The following IGIP variants were observed in gnomAD, a reference collection of about 807,000 sequenced individuals.
IGIP encodes the protein IgA inducing protein, also known as IgA-inducing protein homolog.
A neutral mutation model predicts 3.2 loss-of-function variants in IGIP; 1 was observed. That is an observed-to-expected ratio of 0.32 (90% CI 0.11 to 1.50). The LOEUF is 1.50. Ranked by LOEUF, IGIP falls within the 40% of genes most tolerant of loss-of-function variation. IGIP has a pLI of 0.39. For synonymous variants in IGIP, 20 were observed against 22.7 expected, an observed-to-expected ratio of 0.88 and a Z score of 0.34; for missense variants, 64 against 69.0, an observed-to-expected ratio of 0.93 and a Z score of 0.26.
rs1421189107 is a variant in IGIP, at chr5:140,128,805, CTG to C, written c.*169_*170del. On this transcript the variant is annotated 3_prime_UTR_variant, in exon 1 of 1. Transcript: ENST00000333305. ...ATAAAGATGTTTATTTTTCATGTGA[CTG>C]TATAATCAGATCAGTCTTTTGTTTC... The C allele has an allele frequency of 6.9e-6, 4 of 582,524 alleles. No homozygotes were observed. The highest frequency in any genetic ancestry group is 6.9e-5 in the East Asian group (2 of 29,010). The allele number at this position is 582,524 out of a possible 1,614,324, so 36.1% of individuals were successfully genotyped here.
Position 140,128,394 on chromosome 5 carries a change from C to A in IGIP, c.-83C>A. 3.0e-6 allele frequency: 3 copies of A among 999,514 alleles called. No homozygotes were observed. The highest frequency in any genetic ancestry group is 3.4e-5 in the South Asian group (2 of 59,104). The allele number at this position is 999,514 out of a possible 1,614,324, so 61.9% of individuals were successfully genotyped here. On this transcript the variant is annotated 5_prime_UTR_variant, in exon 1 of 1. Transcript: ENST00000333305. The stretch of plus-strand genomic sequence containing the variant: ...TCATTAATTTGCACTGTTTGGGGAC[C>A]CCATTTAAGAATGCTGAATTTTGCC...
Position 140,127,871 on chromosome 5 carries a change from C to T in IGIP, c.-606C>T, listed in dbSNP as rs1033090998. ...AAGTTATATTCTGATGTAAGATTAA[C>T]TTTATTAAAGAATGTAAACATTAAT... On this transcript the variant is annotated 5_prime_UTR_variant, in exon 1 of 1. Coordinates refer to ENST00000333305, the MANE Select transcript of IGIP (RefSeq NM_001007189.2). 6.0e-6 allele frequency: 1 copy of T among 166,916 alleles called. No individual in the cohort carries two copies. The highest frequency in any genetic ancestry group is 1.5e-5 in the Non-Finnish European group (1 of 68,096). 10.3% of individuals were successfully genotyped at this position (166,916 alleles called of 1,614,324 possible).
At position 140,128,863 on chromosome 5, in the gene IGIP, G is replaced by A; in HGVS notation, c.*225G>A. 4.3e-6 allele frequency: 2 copies of A among 467,482 alleles called. No individual in the cohort carries two copies. Among genetic ancestry groups the A allele is most frequent in the East Asian group, 4.2e-5 (1 of 23,850 alleles). 29.0% of individuals were successfully genotyped at this position (467,482 alleles called of 1,614,324 possible). On this transcript the variant is annotated 3_prime_UTR_variant, in exon 1 of 1. Transcript: ENST00000333305. The stretch of plus-strand genomic sequence containing the variant: ...TTTTTGGGGGAAGGGGTCTGGTTGC[G>A]ATCTTGGATTTTTTTTTTTTTTGAT...
chr5:140,128,520 G>T lies in IGIP; in HGVS notation c.44G>T (p.Cys15Phe), dbSNP rs1247390360. 6.2e-7 allele frequency: 1 copy of T among 1,608,740 alleles called. No homozygotes were observed. The highest frequency in any genetic ancestry group is 1.3e-5 in the African/African-American group (1 of 74,654). The change falls in exon 1 of 1, where the codon TGT becomes TTT. Residue 15 changes from cysteine (C) to phenylalanine (F), a missense_variant. Coordinates refer to ENST00000333305, the MANE Select transcript of IGIP (RefSeq NM_001007189.2). ...ATGAAGAAACGCAGTGTGTCGGGCT[G>T]TAATATTACCATATTTGCTGTCATG... Reference protein sequence around the residue: ...YHMKKRSVSGCNITIFAVMFS... With the variant: ...YHMKKRSVSGFNITIFAVMFS...
In IGIP at chr5:140,129,214, A is replaced by G. The variant is rs1383702235; in HGVS notation, c.*576A>G. 6.6e-6 allele frequency: 1 copy of G among 152,338 alleles called. No individual in the cohort carries two copies. The highest frequency in any genetic ancestry group is 1.5e-5 in the Non-Finnish European group (1 of 68,152). The allele number at this position is 152,338 out of a possible 1,614,324, so 9.4% of individuals were successfully genotyped here. On this transcript the variant is annotated 3_prime_UTR_variant, in exon 1 of 1. Coordinates refer to ENST00000333305, the MANE Select transcript of IGIP (RefSeq NM_001007189.2). ...AAAAATGTAATTATCATGGATACAT[A>G]CTAGTTATACATACTTATGGGGTAC...
Position 140,128,850 on chromosome 5 carries a change from G to T in IGIP, c.*212G>T. ...TTTGTTTCAGTGCTTTTTGGGGGAA[G>T]GGGTCTGGTTGCGATCTTGGATTTT... On this transcript the variant is annotated 3_prime_UTR_variant, in exon 1 of 1. Transcript: ENST00000333305. 1 of 505,926 alleles carries T rather than the reference G, an allele frequency of 2.0e-6. No individual in the cohort carries two copies. The highest frequency in any genetic ancestry group is 3.5e-6 in the Non-Finnish European group (1 of 289,252). 31.3% of individuals were successfully genotyped at this position (505,926 alleles called of 1,614,324 possible).
chr5:140,128,461 G>A lies in IGIP; in HGVS notation c.-16G>A. On this transcript the variant is annotated 5_prime_UTR_variant, in exon 1 of 1. Transcript: ENST00000333305. ...AATGCAATTTAAAAAGTAAATTTGA[G>A]CATTCTGTATTAAATATGTGCAGTT... is the stretch of plus-strand genomic sequence containing the variant. 2 of 1,537,260 alleles carry A rather than the reference G, an allele frequency of 1.3e-6. No individual in the cohort carries two copies. The highest frequency in any genetic ancestry group is 1.7e-6 in the Non-Finnish European group (2 of 1,146,062).
chr5:140,128,703 C>T lies in IGIP; in HGVS notation c.*65C>T. 1.5e-6 allele frequency: 2 copies of T among 1,311,032 alleles called. No homozygotes were observed. Among genetic ancestry groups the T allele is most frequent in the Admixed American group, 2.1e-5 (1 of 46,580 alleles). 81.2% of individuals were successfully genotyped at this position (1,311,032 alleles called of 1,614,324 possible). A position where few individuals can be genotyped will look rare whatever the true frequency, so the allele number is the denominator to read the frequency against. On this transcript the variant is annotated 3_prime_UTR_variant, in exon 1 of 1. Transcript: ENST00000333305. ...TGATTATTTTAGGCATTGATTCTTA[C>T]AAAATATATACTGTAACAGTATACT...
chr5:140,128,661 T>C lies in IGIP; in HGVS notation c.*23T>C. ...TGAAAACTAGCGAGGTCTGCTGTACTGCTTATTGAAGTATTGTGATTATTT... is the reference window on the plus strand; with the variant it reads ...TGAAAACTAGCGAGGTCTGCTGTACCGCTTATTGAAGTATTGTGATTATTT... On this transcript the variant is annotated 3_prime_UTR_variant, in exon 1 of 1. Transcript: ENST00000333305. 1 of 1,585,572 alleles carries C rather than the reference T, an allele frequency of 6.3e-7. No individual in the cohort carries two copies. Among genetic ancestry groups the C allele is most frequent in the Non-Finnish European group, 8.6e-7 (1 of 1,165,914 alleles).
At position 140,128,603 on chromosome 5, in the gene IGIP, ATCAGCCGGCTTGAGTTTG is replaced by A; in HGVS notation, c.129_146del (p.Ser44_Val49del). On this transcript the variant is annotated inframe_deletion, in exon 1 of 1. Coordinates refer to ENST00000333305, the MANE Select transcript of IGIP (RefSeq NM_001007189.2). ...TGGAAACCAAGCAAACGTGTTGTGC[ATCAGCCGGCTTGAGTTTG>A]TTCAATATCAAAGCTGAAAACTAGC... is the stretch of plus-strand genomic sequence containing the variant. 6.2e-7 allele frequency: 1 copy of A among 1,612,988 alleles called. No individual in the cohort carries two copies. The highest frequency in any genetic ancestry group is 8.5e-7 in the Non-Finnish European group (1 of 1,179,766).
Position 140,127,664 on chromosome 5 carries a change from T to C in IGIP, c.-813T>C, listed in dbSNP as rs1298948211. On this transcript the variant is annotated 5_prime_UTR_variant, in exon 1 of 1. Transcript: ENST00000333305. ...ACACAATCCCAAACTGGAAGAAATT[T>C]TAAAAAAAGGAATCCTGCTGTGAAA... 1 of 166,944 alleles carries C rather than the reference T, an allele frequency of 6.0e-6. No individual in the cohort carries two copies. The highest frequency in any genetic ancestry group is 2.4e-5 in the African/African-American group (1 of 41,454). 10.3% of individuals were successfully genotyped at this position (166,944 alleles called of 1,614,324 possible).
In IGIP at chr5:140,128,393, C is replaced by A; in HGVS notation, c.-84C>A. The A allele has an allele frequency of 3.1e-6, 3 of 981,448 alleles. No individual in the cohort carries two copies. Among genetic ancestry groups the A allele is most frequent in the African/African-American group, 3.3e-5 (2 of 60,034 alleles). 60.8% of individuals were successfully genotyped at this position (981,448 alleles called of 1,614,324 possible). A position where few individuals can be genotyped will look rare whatever the true frequency, so the allele number is the denominator to read the frequency against. On this transcript the variant is annotated 5_prime_UTR_variant, in exon 1 of 1. Transcript: ENST00000333305. ...ATCATTAATTTGCACTGTTTGGGGA[C>A]CCCATTTAAGAATGCTGAATTTTGC... is the stretch of plus-strand genomic sequence containing the variant.
Position 140,129,216 on chromosome 5 carries a change from T to G in IGIP, c.*578T>G, listed in dbSNP as rs961403379. On this transcript the variant is annotated 3_prime_UTR_variant, in exon 1 of 1. Coordinates refer to ENST00000333305, the MANE Select transcript of IGIP (RefSeq NM_001007189.2). Reference sequence around the variant, plus strand: ...AAATGTAATTATCATGGATACATACTAGTTATACATACTTATGGGGTACAT... The same window carrying G: ...AAATGTAATTATCATGGATACATACGAGTTATACATACTTATGGGGTACAT... 1 of 152,314 alleles carries G rather than the reference T, an allele frequency of 6.6e-6. No individual in the cohort carries two copies. Among genetic ancestry groups the G allele is most frequent in the African/African-American group, 2.4e-5 (1 of 41,444 alleles). 9.4% of individuals were successfully genotyped at this position (152,314 alleles called of 1,614,324 possible).
chr5:140,129,220 TATAC>T lies in IGIP; in HGVS notation c.*587_*590del, dbSNP rs1360653614. 6.6e-6 allele frequency: 1 copy of T among 152,302 alleles called. No individual in the cohort carries two copies. Among genetic ancestry groups the T allele is most frequent in the Non-Finnish European group, 1.5e-5 (1 of 68,126 alleles). The allele number at this position is 152,302 out of a possible 1,614,324, so 9.4% of individuals were successfully genotyped here. A position where few individuals can be genotyped will look rare whatever the true frequency, so the allele number is the denominator to read the frequency against. ...GTAATTATCATGGATACATACTAGT[TATAC>T]ATACTTATGGGGTACATGTAACATT... On this transcript the variant is annotated 3_prime_UTR_variant, in exon 1 of 1. Transcript: ENST00000333305.
At position 140,127,060 on chromosome 5, in the gene IGIP, T is replaced by G. The variant is rs1763221846; in HGVS notation, c.-1417T>G. The stretch of plus-strand genomic sequence containing the variant: ...AAATTCCAGTTTAGGGATGTGGGTC[T>G]TCTTCTTGTCATTCTAATTGGAAAT... On this transcript the variant is annotated 5_prime_UTR_variant, in exon 1 of 1. Coordinates refer to ENST00000333305, the MANE Select transcript of IGIP (RefSeq NM_001007189.2). 1.8e-5 allele frequency: 3 copies of G among 167,054 alleles called. No homozygotes were observed. The highest frequency in any genetic ancestry group is 4.4e-5 in the Non-Finnish European group (3 of 68,128). 10.3% of individuals were successfully genotyped at this position (167,054 alleles called of 1,614,324 possible). A position where few individuals can be genotyped will look rare whatever the true frequency, so the allele number is the denominator to read the frequency against.
rs1452826352 is a variant in IGIP, at chr5:140,127,009, G to C, written c.-1468G>C. On this transcript the variant is annotated 5_prime_UTR_variant, in exon 1 of 1. Transcript: ENST00000333305. ...CTAATCGCTAGCGGTACTCAGAGAGGGGGTGCTAACTCTGATGCCCTGGCC... is the reference window on the plus strand; with the variant it reads ...CTAATCGCTAGCGGTACTCAGAGAGCGGGTGCTAACTCTGATGCCCTGGCC... 6.0e-6 allele frequency: 1 copy of C among 167,052 alleles called. No individual in the cohort carries two copies. Among genetic ancestry groups the C allele is most frequent in the African/African-American group, 2.4e-5 (1 of 41,440 alleles). The allele number at this position is 167,052 out of a possible 1,614,324, so 10.3% of individuals were successfully genotyped here. A position where few individuals can be genotyped will look rare whatever the true frequency, so the allele number is the denominator to read the frequency against.
rs1763234746 is a variant in IGIP, at chr5:140,128,276, G to A, written c.-201G>A. On this transcript the variant is annotated 5_prime_UTR_variant, in exon 1 of 1. It removes an upstream start codon present in the reference 5' UTR. Coordinates refer to ENST00000333305, the MANE Select transcript of IGIP (RefSeq NM_001007189.2). The stretch of plus-strand genomic sequence containing the variant: ...ATGACTTTGGTTAAATGGACCAGAT[G>A]TATATTAGTTAAAATTTAGGACTAA... 1.0e-5 allele frequency: 5 copies of A among 480,886 alleles called. 1 individual carries two copies. In the East Asian group the frequency reaches 1.9e-4, roughly 18 times the overall value. 29.8% of individuals were successfully genotyped at this position (480,886 alleles called of 1,614,324 possible). A position where few individuals can be genotyped will look rare whatever the true frequency, so the allele number is the denominator to read the frequency against.
Position 140,128,466 on chromosome 5 carries a change from C to T in IGIP, c.-11C>T, listed in dbSNP as rs1234522025. 8.4e-6 allele frequency: 13 copies of T among 1,539,842 alleles called. No individual in the cohort carries two copies. Among genetic ancestry groups the T allele is most frequent in the East Asian group, 2.4e-5 (1 of 41,204 alleles). The stretch of plus-strand genomic sequence containing the variant: ...AATTTAAAAAGTAAATTTGAGCATT[C>T]TGTATTAAATATGTGCAGTTATTAT... On this transcript the variant is annotated 5_prime_UTR_variant, in exon 1 of 1. Coordinates refer to ENST00000333305, the MANE Select transcript of IGIP (RefSeq NM_001007189.2).
chr5:140,128,871 A>AT lies in IGIP; in HGVS notation c.*247dup, dbSNP rs376002346. 25,221 of 343,198 alleles carry AT rather than the reference A, an allele frequency of 0.073. 1 individual carries two copies. The highest frequency in any genetic ancestry group is 0.1 in the South Asian group (2,269 of 22,688). The allele number at this position is 343,198 out of a possible 1,614,324, so 21.3% of individuals were successfully genotyped here. The stretch of plus-strand genomic sequence containing the variant: ...GGAAGGGGTCTGGTTGCGATCTTGG[A>AT]TTTTTTTTTTTTTTGATAGGTGGAA... On this transcript the variant is annotated 3_prime_UTR_variant, in exon 1 of 1. Coordinates refer to ENST00000333305, the MANE Select transcript of IGIP (RefSeq NM_001007189.2).
Sources: allele counts gnomAD v4.1 joint callset, GRCh38; gene constraint gnomAD v4.1.1; transcripts MANE v1.5; gene names NCBI Gene and HGNC (gene_info 2026-07-23, HGNC 2026-07-21).